Variants in ZNF385B observed in about 807,000 individuals in gnomAD.
ZNF385B encodes zinc finger protein 385B, also known as zinc finger protein 533.
Under a neutral mutation model 39.2 loss-of-function variants are expected in ZNF385B, and 23 were observed. That is an observed-to-expected ratio of 0.59 (90% CI 0.42 to 0.83). The LOEUF (loss-of-function observed/expected upper bound fraction) is 0.83. ZNF385B is among the 40% of genes least tolerant of loss of function. ZNF385B has a pLI of 0.00. For missense variants in ZNF385B, 552 were observed against 598.9 expected (o/e 0.92, Z 0.82); for synonymous variants, 205 against 222.6 (o/e 0.92, Z 0.70).
At chr2:179,661,826 G>A (rs559911235) in intron 3 of ZNF385B, among the ~76,000 whole-genome samples, 1 of 152,274 alleles carries the variant, frequency 6.6e-6, no homozygotes, top group East Asian at 1.9e-4. Flanking sequence ...TTGTGTCATA[G>A]CTGTTCATAT....
At chr2:179,773,178 GA>G (rs889746352) in intron 1 of ZNF385B, among the ~76,000 whole-genome samples, 4 of 149,580 alleles carry the variant, frequency 2.7e-5, no homozygotes, top group African/African-American at 9.8e-5. Flanking sequence ...ATAATAATTT[GA>G]AAAAAAAAGG....
At chr2:179,578,538 T>C (rs2106023654) in intron 3 of ZNF385B, among the ~76,000 whole-genome samples, 1 of 152,242 alleles carries the variant, frequency 6.6e-6, no homozygotes, top group Admixed American at 6.5e-5. Context: ...AATTTTGTTA[T>C]AATCTACCTC....
At chr2:179,633,179 G>T (rs1407768073) in intron 3 of ZNF385B, among the ~76,000 whole-genome samples, 1 of 152,124 alleles carries the variant, frequency 6.6e-6, no homozygotes, top group African/African-American at 2.4e-5. Flanking sequence ...TAGAAAAAGA[G>T]GAAATCCTTC....
intron 4 of ZNF385B, among the ~76,000 whole-genome samples, chr2:179,531,772 C>T (rs1020990439): frequency 6.6e-6 from 1 of 152,198 alleles, no homozygotes; most frequent in African/African-American, 2.4e-5. Flanking sequence ...ACTGCTTCTC[C>T]TCCTCACAGG....
chr2:179,758,647 C>T (rs1703188087), intron 3 of ZNF385B, among the ~76,000 whole-genome samples: 1 of 152,244 alleles, frequency 6.6e-6, no homozygotes, highest in East Asian at 1.9e-4. Context: ...TCTGTTCTTG[C>T]TGTCTTGCAA....
At chr2:179,481,996 C>T (rs2054054357) in intron 6 of ZNF385B, among the ~76,000 whole-genome samples, 1 of 152,184 alleles carries the variant, frequency 6.6e-6, no homozygotes, top group Non-Finnish European at 1.5e-5. Context: ...ATGTAATAAT[C>T]TGGCATTTAT....
At chr2:179,781,161 A>G (rs1704642012) in intron 1 of ZNF385B, among the ~76,000 whole-genome samples, 1 of 152,204 alleles carries the variant, frequency 6.6e-6, no homozygotes, top group Non-Finnish European at 1.5e-5. Flanking sequence ...AAATGTATAT[A>G]AAAGGTAAAG....
intron 3 of ZNF385B, among the ~76,000 whole-genome samples, chr2:179,620,211 A>C (rs1179503467): frequency 6.6e-6 from 1 of 152,120 alleles, no homozygotes; most frequent in Admixed American, 6.5e-5. Flanking sequence ...TTTCCTGTTC[A>C]TCTAGCTGAT....
chr2:179,739,569 A>G (rs1347747159), intron 3 of ZNF385B, among the ~76,000 whole-genome samples: 1 of 152,160 alleles, frequency 6.6e-6, no homozygotes, highest in Admixed American at 6.5e-5. Context: ...TTTTTACTTC[A>G]GTTGAAGCTT....
chr2:179,798,864 A>AT (rs1705848489), intron 1 of ZNF385B, among the ~76,000 whole-genome samples: 1 of 152,082 alleles, frequency 6.6e-6, no homozygotes, highest in Admixed American at 6.6e-5. Context: ...TATTTAAAAC[A>AT]TTTATGTTGT....
chr2:179,603,488 C>T (rs923583199), intron 3 of ZNF385B, among the ~76,000 whole-genome samples: 2 of 152,244 alleles, frequency 1.3e-5, no homozygotes, highest in African/African-American at 4.8e-5. Context: ...TTTTCCATCC[C>T]AAAACCAAGA....
chr2:179,539,369 A>G (rs953906218), intron 4 of ZNF385B, among the ~76,000 whole-genome samples: 8 of 152,202 alleles, frequency 5.3e-5, no homozygotes, highest in Admixed American at 3.3e-4. Flanking sequence ...TACCATCACT[A>G]TCAAATTGGG....
chr2:179,524,814 C>G (rs2058780499), intron 4 of ZNF385B, among the ~76,000 whole-genome samples: 1 of 152,114 alleles, frequency 6.6e-6, no homozygotes, highest in South Asian at 2.1e-4. Context: ...GTCTCCTCTT[C>G]CCCCACCCAT....
chr2:179,791,987 C>G (rs1192441587), intron 1 of ZNF385B, among the ~76,000 whole-genome samples: 1 of 152,128 alleles, frequency 6.6e-6, no homozygotes, highest in Non-Finnish European at 1.5e-5. Context: ...GTCTCAAACT[C>G]CTGACCTCAA....
intron 3 of ZNF385B, among the ~76,000 whole-genome samples, chr2:179,615,732 C>T (rs912382191): frequency 1.2e-4 from 18 of 152,146 alleles, no homozygotes; most frequent in Admixed American, 9.8e-4. Flanking sequence ...TGAAAATACA[C>T]AAGCCTTGAC....
intron 1 of ZNF385B, among the ~76,000 whole-genome samples, chr2:179,805,418 T>TA (rs1298537138): frequency 6.6e-6 from 1 of 152,242 alleles, no homozygotes; most frequent in Non-Finnish European, 1.5e-5. Context: ...TGGGTTGTTA[T>TA]AGCAAGATGA....
chr2:179,760,223 C>CGCGCGTGTGTGTGTGTGTGT (rs11282329), intron 3 of ZNF385B, among the ~76,000 whole-genome samples: 79 of 144,550 alleles, frequency 5.5e-4, no homozygotes, highest in Middle Eastern at 7.1e-3. Flanking sequence ...TTCCTGTGTG[C>CGCGCGTGTGTGTGTGTGTGT]GTGTGTGTGT....
chr2:179,693,649 T>G (rs1698517079), intron 3 of ZNF385B, among the ~76,000 whole-genome samples: 1 of 152,210 alleles, frequency 6.6e-6, no homozygotes, highest in Admixed American at 6.5e-5. Flanking sequence ...AGAGAGCTGT[T>G]CCTGAAACTG....
chr2:179,553,275 A>G (rs1285577939), intron 3 of ZNF385B, among the ~76,000 whole-genome samples: 1 of 149,088 alleles, frequency 6.7e-6, no homozygotes. Flanking sequence ...TAACCAAGAT[A>G]TATAATGAAT....
Sources: gnomAD v4.1 joint callset for allele counts (sites outside exome capture counted in the v4.1 genomes callset) on GRCh38, gnomAD v4.1.1 for gene constraint, MANE v1.5 for transcripts, NCBI Gene and HGNC (gene_info 2026-07-23, HGNC 2026-07-21) for gene names.